LPCAT2: variants seen among roughly 807,000 people sequenced by gnomAD.
LPCAT2 encodes lysophosphatidylcholine acyltransferase 2, also known as 1-AGP acyltransferase 11.
A neutral mutation model predicts 64.7 loss-of-function variants in LPCAT2; 58 were observed. That is an observed-to-expected ratio of 0.90 (90% CI 0.73 to 1.12). The LOEUF (loss-of-function observed/expected upper bound fraction) is 1.12, where lower values mean the gene tolerates loss of function less well. Ranked by LOEUF, LPCAT2 falls within the 50% of genes most tolerant of loss-of-function variation. LPCAT2 has a pLI of 0.00. For missense variants in LPCAT2, 579 were observed against 669.8 expected (o/e 0.86, Z 1.50); for synonymous variants, 252 against 245.3 (o/e 1.03, Z -0.26).
intron 12 of LPCAT2, among the ~76,000 whole-genome samples, chr16:55,575,265 C>G (rs1963814690): frequency 6.6e-6 from 1 of 152,164 alleles, no homozygotes; most frequent in South Asian, 2.1e-4. Context: ...ATACAGGGAT[C>G]TAAATTGGGA....
At chr16:55,550,879 A>T (rs1963508562) in intron 10 of LPCAT2, 70 bp from the exon 11 acceptor site, 3 of 1,227,964 alleles carry the variant, frequency 2.4e-6, no homozygotes, top group Admixed American at 5.2e-5. Context: ...TAATAAAATA[A>T]TGATCATAAA....
chr16:55,566,964 G>A, intron 11 of LPCAT2: 1 of 1,613,882 alleles, frequency 6.2e-7, no homozygotes, highest in South Asian at 1.1e-5. Flanking sequence ...TTTCACCAGT[G>A]TGGAGGCCTC....
chr16:55,560,541 T>C (rs1211058304), intron 11 of LPCAT2, among the ~76,000 whole-genome samples: 1 of 152,048 alleles, frequency 6.6e-6, no homozygotes, highest in Non-Finnish European at 1.5e-5. Flanking sequence ...TTAAATTAAA[T>C]TAACATATAG....
At chr16:55,581,828 G>T (rs1247720007) in intron 13 of LPCAT2, among the ~76,000 whole-genome samples, 1 of 152,136 alleles carries the variant, frequency 6.6e-6, no homozygotes, top group Non-Finnish European at 1.5e-5. Context: ...CAGGTTACTG[G>T]AGGATTGAGG....
chr16:55,520,526 C>T (rs1963080211), intron 1 of LPCAT2, among the ~76,000 whole-genome samples: 2 of 151,898 alleles, frequency 1.3e-5, no homozygotes, highest in Admixed American at 6.5e-5. Flanking sequence ...ACTGAATTGA[C>T]ATTTATGGAA....
chr16:55,547,690 T>C (rs1191631528), intron 9 of LPCAT2, among the ~76,000 whole-genome samples: 1 of 152,316 alleles, frequency 6.6e-6, no homozygotes, highest in African/African-American at 2.4e-5. Context: ...AAAATTTAAT[T>C]TTCCATCTTA....
At chr16:55,520,861 T>TAAA (rs1963085924) in intron 1 of LPCAT2, among the ~76,000 whole-genome samples, 1 of 151,876 alleles carries the variant, frequency 6.6e-6, no homozygotes, top group South Asian at 2.1e-4. Context: ...AAGCAGTGTT[T>TAAA]GCAACTAAAC....
chr16:55,561,518 G>A (rs1380246793), intron 11 of LPCAT2, among the ~76,000 whole-genome samples: 1 of 151,756 alleles, frequency 6.6e-6, no homozygotes, highest in Non-Finnish European at 1.5e-5. Flanking sequence ...TTTATTCTAT[G>A]ATGGCTTATG....
chr16:55,554,559 A>G (rs1360767039), intron 11 of LPCAT2, among the ~76,000 whole-genome samples: 1 of 152,194 alleles, frequency 6.6e-6, no homozygotes, highest in East Asian at 1.9e-4. Context: ...TTGACCTTCT[A>G]TCCAGACTAT....
intron 11 of LPCAT2, among the ~76,000 whole-genome samples, chr16:55,571,153 A>C (rs563247180): frequency 6.6e-6 from 1 of 152,244 alleles, no homozygotes. Flanking sequence ...AGTTATAAAG[A>C]GTATCTAATT....
At chr16:55,572,289 T>G (rs1318881626) in intron 11 of LPCAT2, among the ~76,000 whole-genome samples, 2 of 152,138 alleles carry the variant, frequency 1.3e-5, no homozygotes, top group Non-Finnish European at 2.9e-5. Flanking sequence ...ACTGGATATC[T>G]CACAATAAAG....
At position 55,509,553 on chromosome 16, in the gene LPCAT2, C is replaced by T. The variant is rs547439433; in HGVS notation, c.171+201C>T. ...CATGGGTCTGAGGAGGGAGGTGGCC[C>T]GAGGGGAGCCAGGGTCTGGGGCGGG... On this transcript the variant is annotated intron_variant, in intron 1 of 13. Coordinates refer to ENST00000262134, the MANE Select transcript of LPCAT2 (RefSeq NM_017839.5). 1.0e-4 allele frequency among the ~76,000 whole-genome samples: 13 copies of T among 124,180 alleles called. No homozygotes were observed. The South Asian group carries it at 3.4e-3, about 32-fold the overall frequency. The allele number at this position is 124,180 out of a possible 152,430, so 81.5% of individuals were successfully genotyped here.
intron 12 of LPCAT2, among the ~76,000 whole-genome samples, chr16:55,577,248 T>G (rs1435001819): frequency 6.6e-6 from 1 of 152,226 alleles, no homozygotes; most frequent in East Asian, 1.9e-4. Context: ...ATTATACTTT[T>G]TTATCCTCCT....
chr16:55,532,027 A>T, intron 5 of LPCAT2, 53 bp downstream of exon 5: 1 of 1,157,394 alleles, frequency 8.6e-7, no homozygotes, highest in Non-Finnish European at 1.3e-6. Flanking sequence ...AGATTTTGCA[A>T]ATGATTTTAT....
chr16:55,566,394 A>G (rs1963696646), intron 11 of LPCAT2, among the ~76,000 whole-genome samples: 1 of 152,186 alleles, frequency 6.6e-6, no homozygotes, highest in Non-Finnish European at 1.5e-5. Flanking sequence ...TCCTGTTAGG[A>G]AAATGCACAT....
intron 1 of LPCAT2, among the ~76,000 whole-genome samples, chr16:55,525,050 G>C (rs1368622380): frequency 6.6e-6 from 1 of 151,772 alleles, no homozygotes; most frequent in Non-Finnish European, 1.5e-5. Context: ...AGTTCTGGCA[G>C]GTATATAAAA....
intron 8 of LPCAT2, among the ~76,000 whole-genome samples, chr16:55,544,568 C>T (rs1963432699): frequency 6.6e-6 from 1 of 152,124 alleles, no homozygotes; most frequent in Non-Finnish European, 1.5e-5. Flanking sequence ...TAGCATGATG[C>T]CTGGTTTGTA....
At chr16:55,578,525 T>C (rs1307295768) in intron 12 of LPCAT2, among the ~76,000 whole-genome samples, 2 of 152,164 alleles carry the variant, frequency 1.3e-5, no homozygotes, top group Admixed American at 1.3e-4. Flanking sequence ...CTTCCTATCC[T>C]TCCTGCTTCT....
chr16:55,573,209 C>T lies in LPCAT2; in HGVS notation c.1216-1422C>T, dbSNP rs186860552. Among the ~76,000 whole-genome samples the T allele has an allele frequency of 2.5e-3, 383 of 152,286 alleles. 1 individual carries two copies. The highest frequency in any genetic ancestry group is 8.7e-3 in the African/African-American group (361 of 41,564). On this transcript the variant is annotated intron_variant, in intron 11 of 13. Coordinates refer to ENST00000262134, the MANE Select transcript of LPCAT2 (RefSeq NM_017839.5). ...TGCTTTGAGAAGCTAATAAAAGCTA[C>T]ATTTTTCTCTAGAAAGATGTCATAA...
Sources: gnomAD v4.1 joint callset for allele counts (sites outside exome capture counted in the v4.1 genomes callset) on GRCh38, gnomAD v4.1.1 for gene constraint, MANE v1.5 for transcripts, NCBI Gene and HGNC (gene_info 2026-07-23, HGNC 2026-07-21) for gene names.